SLC37A1: variants seen among roughly 807,000 people sequenced by gnomAD.
SLC37A1 encodes the protein glucose-6-phosphate exchanger SLC37A1.
SLC37A1 carries 49 observed loss-of-function variants against 75.3 expected under a neutral mutation model. The ratio of observed to expected loss-of-function variants is 0.65; its 90% CI spans 0.52 to 0.83. The LOEUF (loss-of-function observed/expected upper bound fraction) is 0.83, where lower values mean the gene tolerates loss of function less well. SLC37A1 is among the 40% of genes least tolerant of loss of function. SLC37A1 has a pLI of 0.00. For missense variants in SLC37A1, 566 were observed against 695.0 expected (o/e 0.81, Z 2.09); for synonymous variants, 268 against 292.1 (o/e 0.92, Z 0.84).
At chr21:42,565,931 G>T in intron 15 of SLC37A1, 56 bp downstream of exon 15, 5 of 1,545,082 alleles carry the variant, frequency 3.2e-6, no homozygotes, top group Middle Eastern at 1.7e-4. Flanking sequence ...AGTTCACACA[G>T]CTGGCAAGAT....
chr21:42,562,306 CTAT>C lies in SLC37A1; in HGVS notation c.1072+139_1072+141del, dbSNP rs1436332301. On this transcript the variant is annotated intron_variant, in intron 12 of 19. Transcript: ENST00000352133. ...GAGAGGTACACCTTTGAATAAAGTA[CTAT>C]GATGAAACATAGGCTAAAAGAATTC... The C allele has an allele frequency of 4.1e-6, 3 of 723,272 alleles. No homozygotes were observed. The African/African-American group carries it at 5.3e-5, about 13-fold the overall frequency. The allele number at this position is 723,272 out of a possible 1,614,324, so 44.8% of individuals were successfully genotyped here.
At chr21:42,502,237 T>C (rs929625135) in intron 1 of SLC37A1, 2 of 152,226 alleles carry the variant, frequency 1.3e-5, no homozygotes, top group Non-Finnish European at 2.9e-5. Flanking sequence ...GAAATAAATA[T>C]TAACATCTGA....
At chr21:42,557,307 G>A (rs1042459684) in intron 10 of SLC37A1, among the ~76,000 whole-genome samples, 3 of 152,222 alleles carry the variant, frequency 2.0e-5, no homozygotes, top group Non-Finnish European at 4.4e-5. Context: ...TGGGGCTGGG[G>A]GAATTCGAGG....
chr21:42,507,292 A>C (rs940116023), intron 2 of SLC37A1, among the ~76,000 whole-genome samples: 10 of 152,256 alleles, frequency 6.6e-5, no homozygotes, highest in African/African-American at 1.9e-4. Context: ...CTATAAATTA[A>C]CTGGAAAGGA....
chr21:42,562,015 C>T, intron 11 of SLC37A1, 63 bp from the exon 12 acceptor site: 2 of 1,329,988 alleles, frequency 1.5e-6, no homozygotes, highest in Non-Finnish European at 2.2e-6. Context: ...AACTCTGTTG[C>T]ATGTTTACAC....
intron 1 of SLC37A1, among the ~76,000 whole-genome samples, chr21:42,517,014 G>C (rs8130392): frequency 0.023 from 3,521 of 152,298 alleles, 141 homozygotes; most frequent in African/African-American, 0.08. Flanking sequence ...TTCATTCAAC[G>C]TGAGTTTCTT....
At chr21:42,537,075 C>G (rs2055158459) in intron 5 of SLC37A1, among the ~76,000 whole-genome samples, 1 of 152,216 alleles carries the variant, frequency 6.6e-6, no homozygotes, top group South Asian at 2.1e-4. Flanking sequence ...GTAGGATCAT[C>G]AAGACCTGGG....
chr21:42,543,673 G>A, intron 8 of SLC37A1, 71 bp downstream of exon 8: 1 of 1,488,630 alleles, frequency 6.7e-7, no homozygotes, highest in Non-Finnish European at 9.0e-7. Flanking sequence ...GTGGGCCTTG[G>A]GGGCGAGTGT....
chr21:42,519,811 T>A (rs2054601440), intron 2 of SLC37A1, among the ~76,000 whole-genome samples: 1 of 152,248 alleles, frequency 6.6e-6, no homozygotes, highest in Non-Finnish European at 1.5e-5. Context: ...ATTTAGTGAA[T>A]GTCTAGCTTC....
intron 2 of SLC37A1, among the ~76,000 whole-genome samples, chr21:42,519,917 T>G (rs2054603839): frequency 6.6e-6 from 1 of 152,142 alleles, no homozygotes; most frequent in African/African-American, 2.4e-5. Flanking sequence ...TGTCAAAGAT[T>G]AACATTTAGC....
intron 18 of SLC37A1, among the ~76,000 whole-genome samples, chr21:42,576,960 A>G (rs2056321457): frequency 6.6e-6 from 1 of 152,268 alleles, no homozygotes; most frequent in Non-Finnish European, 1.5e-5. Flanking sequence ...GGAAGATGAT[A>G]GACTGGATTT....
In SLC37A1 at chr21:42,563,839, G is replaced by A. The variant is rs1023665453; in HGVS notation, c.1097G>A (p.Gly366Glu). ...GATCACCTTGATGCCAAAAAGGCGG[G>A]GGAGCTCTCCACCCTGTTTGACGTG... ...NVDHLDAKKA[G>E]ELSTLFDVGG... The change falls in exon 13 of 20, where the codon GGG becomes GAG. Residue 366 changes from glycine to glutamate, a missense_variant. By Grantham distance (98) the Gly-to-Glu change is moderately conservative (BLOSUM62 -2). Transcript: ENST00000352133. 1 of 1,614,196 alleles carries A rather than the reference G, an allele frequency of 6.2e-7. No homozygotes were observed. Among genetic ancestry groups the A allele is most frequent in the Non-Finnish European group, 8.5e-7 (1 of 1,180,026 alleles).
At position 42,536,830 on chromosome 21, in the gene SLC37A1, G is replaced by T. The variant is rs192876643; in HGVS notation, c.350+1280G>T. 1.5e-3 allele frequency among the ~76,000 whole-genome samples: 229 copies of T among 152,292 alleles called. 3 individuals carry two copies. The highest frequency in any genetic ancestry group is 1.1e-3 in the Non-Finnish European group (72 of 68,020). ...TGCGGATTCATTCCTTCGTCAAGGC[G>T]GATCCCTCATGACCCAAATGCCCTT... On this transcript the variant is annotated intron_variant, in intron 5 of 19. Transcript: ENST00000352133.
chr21:42,506,127 C>G (rs558072482), intron 2 of SLC37A1, among the ~76,000 whole-genome samples: 1 of 152,312 alleles, frequency 6.6e-6, no homozygotes, highest in Non-Finnish European at 1.5e-5. Context: ...TGTTGATACT[C>G]TTGAATTTAA....
At chr21:42,504,709 T>C (rs1475221436) in intron 2 of SLC37A1, among the ~76,000 whole-genome samples, 1 of 152,182 alleles carries the variant, frequency 6.6e-6, no homozygotes, top group Non-Finnish European at 1.5e-5. Context: ...AGTTTCAAGT[T>C]ATTATTGCTT....
intron 17 of SLC37A1, among the ~76,000 whole-genome samples, chr21:42,573,594 G>C (rs17178310): frequency 0.087 from 13,281 of 152,030 alleles, 803 homozygotes; most frequent in Non-Finnish European, 0.13. Flanking sequence ...TGTTTACCTG[G>C]AAGTTCTGAG....
intron 17 of SLC37A1, among the ~76,000 whole-genome samples, chr21:42,571,376 G>T (rs1325999264): frequency 6.6e-6 from 1 of 152,220 alleles, no homozygotes; most frequent in East Asian, 1.9e-4. Flanking sequence ...AATCGCAGAG[G>T]TTGCCGTTTC....
intron 18 of SLC37A1, among the ~76,000 whole-genome samples, chr21:42,577,689 A>G (rs2056337622): frequency 6.6e-6 from 1 of 152,262 alleles, no homozygotes; most frequent in South Asian, 2.1e-4. Context: ...AGCAACATGG[A>G]TGAAAATGAT....
intron 10 of SLC37A1, among the ~76,000 whole-genome samples, chr21:42,555,095 C>A (rs532893753): frequency 6.6e-6 from 1 of 151,156 alleles, no homozygotes; most frequent in Non-Finnish European, 1.5e-5. Context: ...AAGTGATTCT[C>A]CTGCCTCAGC....
Sources: gnomAD v4.1 joint callset for allele counts (sites outside exome capture counted in the v4.1 genomes callset) on GRCh38, gnomAD v4.1.1 for gene constraint, MANE v1.5 for transcripts, NCBI Gene and HGNC (gene_info 2026-07-23, HGNC 2026-07-21) for gene names.